Variants in NRG3 observed in about 807,000 individuals in gnomAD.
The protein encoded by NRG3 is pro-neuregulin-3, membrane-bound isoform.
NRG3 carries 31 observed loss-of-function variants against 66.9 expected under a neutral mutation model. The observed-to-expected ratio is 0.46, with a 90% CI of 0.35 to 0.63. The LOEUF is 0.63. NRG3 is among the 20% of genes least tolerant of loss of function. The probability of loss-of-function intolerance (pLI) is 0.00; values close to 1 mark genes in which losing one functional copy is unlikely to be tolerated. For synonymous variants in NRG3, 393 were observed against 359.4 expected (o/e 1.09, Z -1.06); for missense variants, 910 against 878.9 (o/e 1.04, Z -0.45).
intron 1 of NRG3, among the ~76,000 whole-genome samples, chr10:82,324,046 G>A (rs1426188838): frequency 6.6e-6 from 1 of 151,952 alleles, no homozygotes; most frequent in African/African-American, 2.4e-5. Context: ...TGTATTTTTT[G>A]TAGAGACGGG....
intron 1 of NRG3, among the ~76,000 whole-genome samples, chr10:82,184,824 A>G (rs1463444603): frequency 6.6e-6 from 1 of 152,186 alleles, no homozygotes. Flanking sequence ...AGGAAGACAG[A>G]CATTGACTTA....
chr10:82,066,721 C>T (rs2064493481), intron 1 of NRG3, among the ~76,000 whole-genome samples: 2 of 152,210 alleles, frequency 1.3e-5, no homozygotes, highest in South Asian at 4.1e-4. Flanking sequence ...ATTCTCTCTA[C>T]ACCAGTGAGT....
chr10:82,532,883 CATGAACG>C, intron 2 of NRG3, among the ~76,000 whole-genome samples: 1 of 151,492 alleles, frequency 6.6e-6, no homozygotes, highest in Middle Eastern at 3.5e-3. Context: ...TTTGCATTTC[CATGAACG>C]GTATGCAAGG....
intron 1 of NRG3, among the ~76,000 whole-genome samples, chr10:82,276,716 A>G (rs2078866740): frequency 6.6e-6 from 1 of 152,046 alleles, no homozygotes. Flanking sequence ...TGGTGGACAA[A>G]TGTGTAATTC....
intron 1 of NRG3, among the ~76,000 whole-genome samples, chr10:82,023,421 C>A (rs1197410539): frequency 6.6e-6 from 1 of 151,962 alleles, no homozygotes; most frequent in Non-Finnish European, 1.5e-5. Context: ...TGGCAGGTAT[C>A]CTTGTCTTGT....
chr10:81,881,515 A>G (rs1842179111), intron 1 of NRG3, among the ~76,000 whole-genome samples: 1 of 152,154 alleles, frequency 6.6e-6, no homozygotes, highest in African/African-American at 2.4e-5. Flanking sequence ...ATCTGATTCC[A>G]CAACACAGTT....
intron 1 of NRG3, among the ~76,000 whole-genome samples, chr10:82,006,302 ATTT>A (rs2061374502): frequency 4.6e-5 from 7 of 151,856 alleles, no homozygotes; most frequent in Admixed American, 4.6e-4. Context: ...TTTTCTATTT[ATTT>A]TTATTTTCTT....
chr10:82,083,593 T>C (rs1320416980), intron 1 of NRG3, among the ~76,000 whole-genome samples: 1 of 118,596 alleles, frequency 8.4e-6, no homozygotes, highest in African/African-American at 3.2e-5. Context: ...CACCATTTGT[T>C]AATTTTTTTT....
At chr10:82,627,096 C>A (rs569840176) in intron 2 of NRG3, among the ~76,000 whole-genome samples, 1 of 151,976 alleles carries the variant, frequency 6.6e-6, no homozygotes, top group Non-Finnish European at 1.5e-5. Context: ...CAGTCCTGAC[C>A]GATTTTGGAA....
In NRG3 at chr10:81,875,968, C is replaced by T. The variant is rs756051474; in HGVS notation, c.628C>T (p.Pro210Ser). 4.3e-6 allele frequency: 7 copies of T among 1,613,916 alleles called. No individual in the cohort carries two copies. Among genetic ancestry groups the T allele is most frequent in the Non-Finnish European group, 5.9e-6 (7 of 1,180,016 alleles). ...FFSSSTLGSR[P>S]PVPGTPSTQA... ...CAGTAGCAGCACGCTGGGCTCCCGACCCCCGGTGCCAGGAACTCCAAGTAC... is the reference window on the plus strand; with the variant it reads ...CAGTAGCAGCACGCTGGGCTCCCGATCCCCGGTGCCAGGAACTCCAAGTAC... Residue 210 changes from proline (P) to serine (S), a missense_variant, in exon 1 of 9, where the codon CCC (proline) becomes TCC (serine). Transcript: ENST00000372141. This position sits in a 1 kb window ranked among gnomAD's most constrained non-coding sequence, Gnocchi z 5.3.
chr10:82,056,418 G>A (rs1375521343), intron 1 of NRG3, among the ~76,000 whole-genome samples: 1 of 152,126 alleles, frequency 6.6e-6, no homozygotes, highest in Non-Finnish European at 1.5e-5. Flanking sequence ...AGGATGGAGT[G>A]GTTAGTTGTT....
intron 2 of NRG3, among the ~76,000 whole-genome samples, chr10:82,694,165 T>C (rs757724555): frequency 6.6e-6 from 1 of 151,856 alleles, no homozygotes; most frequent in Non-Finnish European, 1.5e-5. Flanking sequence ...AGAGCGCTGG[T>C]TGGTGCGTTT....
intron 2 of NRG3, among the ~76,000 whole-genome samples, chr10:82,366,147 A>C (rs2084505555): frequency 6.6e-6 from 1 of 152,178 alleles, no homozygotes; most frequent in South Asian, 2.1e-4. Flanking sequence ...TTCAATATTT[A>C]ATTTTTTTAA....
chr10:82,391,668 C>A (rs1589959707), intron 2 of NRG3, among the ~76,000 whole-genome samples: 1 of 152,102 alleles, frequency 6.6e-6, no homozygotes, highest in Non-Finnish European at 1.5e-5. Flanking sequence ...GAGGATAATG[C>A]CCAAGGGGAT....
At chr10:82,742,788 TC>T (rs1331201847) in intron 3 of NRG3, among the ~76,000 whole-genome samples, 1 of 152,120 alleles carries the variant, frequency 6.6e-6, no homozygotes. Context: ...GCCCTGGTTT[TC>T]CTTCCTTACT....
At chr10:81,881,846 TTTTTC>T (rs1842210871) in intron 1 of NRG3, among the ~76,000 whole-genome samples, 1 of 152,124 alleles carries the variant, frequency 6.6e-6, no homozygotes, top group Non-Finnish European at 1.5e-5. Flanking sequence ...ATCAGCTTTT[TTTTTC>T]TTTTAAAAGA....
At chr10:82,531,203 T>C (rs967514067) in intron 2 of NRG3, among the ~76,000 whole-genome samples, 4 of 151,656 alleles carry the variant, frequency 2.6e-5, no homozygotes, top group Admixed American at 6.6e-5. Context: ...AAATATGAAA[T>C]TTATTATACA....
chr10:82,628,204 G>A (rs921100165), intron 2 of NRG3, among the ~76,000 whole-genome samples: 4 of 152,154 alleles, frequency 2.6e-5, no homozygotes, highest in African/African-American at 9.7e-5. Flanking sequence ...GATTGGAAGT[G>A]AACTATGAAT....
intron 1 of NRG3, among the ~76,000 whole-genome samples, chr10:82,125,009 C>G (rs961717084): frequency 6.6e-6 from 1 of 152,002 alleles, no homozygotes; most frequent in African/African-American, 2.4e-5. Flanking sequence ...CTACTGACTC[C>G]TGTATATTCT....
Sources: allele counts gnomAD v4.1 joint callset (sites outside exome capture counted in the v4.1 genomes callset), GRCh38; gene constraint gnomAD v4.1.1; non-coding constraint Gnocchi (gnomAD v3.1); transcripts MANE v1.5; gene names NCBI Gene and HGNC (gene_info 2026-07-23, HGNC 2026-07-21).